The following PAQR5 variants were observed in gnomAD, a reference collection of about 807,000 sequenced individuals.
PAQR5 encodes progestin and adipoQ receptor family member 5.
In PAQR5, 20 loss-of-function variants were observed where a neutral mutation model predicts 34.5. The ratio of observed to expected loss-of-function variants is 0.58; its 90% CI spans 0.41 to 0.84. PAQR5 has a LOEUF of 0.84. Ranked by LOEUF, PAQR5 falls within the 40% of genes least tolerant of loss-of-function variation. PAQR5 has a pLI of 0.00. For missense variants in PAQR5, 378 were observed against 412.7 expected (o/e 0.92, Z 0.73); for synonymous variants, 131 against 155.6 (o/e 0.84, Z 1.18).
At chr15:69,397,655 T>G (rs563848122) in intron 7 of PAQR5, 91 bp downstream of exon 7, 5 of 872,106 alleles carry the variant, frequency 5.7e-6, no homozygotes. Flanking sequence ...AGCACTGCAA[T>G]GGGAACCGCA....
chr15:69,357,583 A>G lies in PAQR5; in HGVS notation c.-115-2383A>G, dbSNP rs113499723. On this transcript the variant is annotated intron_variant, in intron 2 of 8. Transcript: ENST00000395407. ...TTGGCCTCAGGTATTTCTTTATAGC[A>G]ATGCAAGAATGGACTGATACCACCA... Among the ~76,000 whole-genome samples, 1,079 of 152,252 alleles carry G rather than the reference A, an allele frequency of 7.1e-3. 12 individuals are homozygous for G. Among genetic ancestry groups the G allele is most frequent in the African/African-American group, 0.025 (1,036 of 41,528 alleles).
chr15:69,384,959 C>A, intron 5 of PAQR5, 77 bp downstream of exon 5: 1 of 1,098,496 alleles, frequency 9.1e-7, no homozygotes, highest in Non-Finnish European at 1.4e-6. Context: ...CTAGGGTCAC[C>A]AGAAGGCTTT....
intron 2 of PAQR5, among the ~76,000 whole-genome samples, chr15:69,359,575 G>A (rs77730994): frequency 0.021 from 3,142 of 152,212 alleles, 110 homozygotes; most frequent in African/African-American, 0.072. Flanking sequence ...TTTTCGCAGT[G>A]CTTTTCTATA....
At chr15:69,328,642 G>T (rs2054307231) in intron 1 of PAQR5, among the ~76,000 whole-genome samples, 1 of 152,170 alleles carries the variant, frequency 6.6e-6, no homozygotes, top group African/African-American at 2.4e-5. Context: ...ATGGGGGTGG[G>T]GGTGGCCATT....
intron 1 of PAQR5, among the ~76,000 whole-genome samples, chr15:69,335,465 G>C (rs181849265): frequency 6.7e-6 from 1 of 149,696 alleles, no homozygotes; most frequent in East Asian, 2.0e-4. Flanking sequence ...GGCTGGTCTC[G>C]AACTCCCCAC....
At chr15:69,362,769 G>C (rs1408368538) in intron 3 of PAQR5, among the ~76,000 whole-genome samples, 1 of 152,100 alleles carries the variant, frequency 6.6e-6, no homozygotes, top group Admixed American at 6.6e-5. Flanking sequence ...GGCACTTTGA[G>C]GGGTAGAGCA....
At chr15:69,304,988 C>T (rs1362914519) in intron 1 of PAQR5, among the ~76,000 whole-genome samples, 4 of 152,228 alleles carry the variant, frequency 2.6e-5, no homozygotes, top group Non-Finnish European at 5.9e-5. Context: ...TTATCTAATG[C>T]ATAGTGTGAC....
Position 69,322,723 on chromosome 15 carries a change from A to AGGG in PAQR5, c.-276-14618_-276-14617insGGG, listed in dbSNP as rs1234366113. Among the ~76,000 whole-genome samples the AGGG allele has an allele frequency of 6.0e-4, 15 of 25,118 alleles. 2 individuals carry two copies. Among genetic ancestry groups the AGGG allele is most frequent in the Middle Eastern group, 0.014 (1 of 70 alleles). 16.5% of individuals were successfully genotyped at this position (25,118 alleles called of 152,430 possible). ...GAAGAAGAAGAAGAAGAAGAAGAAG[A>AGGG]AGAAGAAGAAGAAGAAGAAGAAGAA... On this transcript the variant is annotated intron_variant, in intron 1 of 8. Coordinates refer to ENST00000395407, the MANE Select transcript of PAQR5 (RefSeq NM_017705.4).
At chr15:69,379,819 T>C in intron 3 of PAQR5, 64 bp from the exon 4 acceptor site, 2 of 1,572,452 alleles carry the variant, frequency 1.3e-6, no homozygotes, top group East Asian at 4.5e-5. Context: ...GGAAGATGTT[T>C]CTCCAGAGAC....
chr15:69,405,022 T>G lies in PAQR5; in HGVS notation c.*1200T>G. 2.5e-6 allele frequency: 1 copy of G among 398,606 alleles called. No individual in the cohort carries two copies. Among genetic ancestry groups the G allele is most frequent in the East Asian group, 3.6e-5 (1 of 28,068 alleles). The allele number at this position is 398,606 out of a possible 1,614,324, so 24.7% of individuals were successfully genotyped here. ...AGCTTTGTTTCGCCTGATCTCAAGT[T>G]TTAGCAACTCACCAACTAAGGCGTA... On this transcript the variant is annotated 3_prime_UTR_variant, in exon 9 of 9. Coordinates refer to ENST00000395407, the MANE Select transcript of PAQR5 (RefSeq NM_017705.4).
intron 1 of PAQR5, among the ~76,000 whole-genome samples, chr15:69,335,485 T>C (rs185321983): frequency 6.6e-6 from 1 of 150,902 alleles, no homozygotes; most frequent in African/African-American, 2.4e-5. Flanking sequence ...CCTCAGGTGA[T>C]CTGCCCGCCT....
chr15:69,313,693 C>T (rs2140555841), intron 1 of PAQR5, among the ~76,000 whole-genome samples: 1 of 152,220 alleles, frequency 6.6e-6, no homozygotes, highest in East Asian at 1.9e-4. Flanking sequence ...CTCTACAGAG[C>T]CAGGTGTTCC....
intron 3 of PAQR5, among the ~76,000 whole-genome samples, chr15:69,373,723 C>A (rs1291386294): frequency 6.6e-6 from 1 of 152,158 alleles, no homozygotes; most frequent in Non-Finnish European, 1.5e-5. Context: ...TCTGCTTCAA[C>A]CTCCAGAGTA....
intron 1 of PAQR5, among the ~76,000 whole-genome samples, chr15:69,319,189 ATATATATATATATATATATAT>A (rs1183817452): frequency 3.4e-4 from 3 of 8,814 alleles, no homozygotes; most frequent in Non-Finnish European, 2.1e-3. Context: ...ATATATATAT[ATATATATATATATATATATAT>A]ATGAATGTGG....
At position 69,359,982 on chromosome 15, in the gene PAQR5, C is replaced by G; in HGVS notation, c.-99C>G. ...CTCTTTCAGGGAAGCGGCACAGCAC[C>G]AGCTAGGCAGAGACGCCCCAGGCCA... On this transcript the variant is annotated 5_prime_UTR_variant, in exon 3 of 9. Transcript: ENST00000395407. The G allele has an allele frequency of 1.1e-6, 1 of 888,940 alleles. No individual in the cohort carries two copies. Among genetic ancestry groups the G allele is most frequent in the Non-Finnish European group, 1.9e-6 (1 of 537,570 alleles). 55.1% of individuals were successfully genotyped at this position (888,940 alleles called of 1,614,324 possible).
chr15:69,313,338 A>C (rs1016625626), intron 1 of PAQR5, among the ~76,000 whole-genome samples: 14 of 151,928 alleles, frequency 9.2e-5, no homozygotes, highest in African/African-American at 3.4e-4. Context: ...CATTTTTACA[A>C]AATTTTAAAA....
intron 1 of PAQR5, among the ~76,000 whole-genome samples, chr15:69,322,466 C>T (rs958266853): frequency 6.7e-6 from 1 of 148,178 alleles, no homozygotes; most frequent in African/African-American, 2.5e-5. Flanking sequence ...GAGACCCCGT[C>T]TCAAAAAAAC....
At position 69,385,913 on chromosome 15, in the gene PAQR5, CACAT is replaced by C. The variant is rs902612008; in HGVS notation, c.385+1035_385+1038del. Among the ~76,000 whole-genome samples the C allele has an allele frequency of 6.6e-5, 10 of 151,568 alleles. No individual in the cohort carries two copies. The highest frequency in any genetic ancestry group is 4.6e-4 in the Admixed American group (7 of 15,216). ...CACATTGACACACACACAATACACTCACATACACACACTCACACCACATACACAC... is the reference window on the plus strand; with the variant it reads ...CACATTGACACACACACAATACACTCACACACACTCACACCACATACACAC... On this transcript the variant is annotated intron_variant, in intron 5 of 8. Transcript: ENST00000395407. The surrounding 1 kb of genome is among the most constrained non-coding windows in gnomAD (Gnocchi z 4.7).
intron 8 of PAQR5, among the ~76,000 whole-genome samples, chr15:69,402,321 CTT>C (rs869050882): frequency 9.0e-5 from 13 of 143,994 alleles, no homozygotes; most frequent in South Asian, 4.4e-4. Flanking sequence ...CCTTTTCTTT[CTT>C]TTTTTTTTTT....
Sources: gnomAD v4.1 joint callset for allele counts (sites outside exome capture counted in the v4.1 genomes callset) on GRCh38, gnomAD v4.1.1 for gene constraint, Gnocchi (gnomAD v3.1) non-coding constraint, MANE v1.5 for transcripts, NCBI Gene and HGNC (gene_info 2026-07-23, HGNC 2026-07-21) for gene names.